The following TENM3 variants were observed in gnomAD, a reference collection of about 807,000 sequenced individuals.
The protein encoded by TENM3 is teneurin-3.
Under a neutral mutation model 255.1 loss-of-function variants are expected in TENM3, and 63 were observed. That is an observed-to-expected ratio of 0.25 (90% CI 0.20 to 0.30). TENM3 has a LOEUF of 0.30. Ranked by LOEUF, TENM3 falls within the 10% of genes least tolerant of loss-of-function variation. The pLI is 1.00. For synonymous variants in TENM3, 1,306 were observed against 1,322.3 expected, an observed-to-expected ratio of 0.99 and a Z score of 0.27; for missense variants, 2,929 against 3,461.1, an observed-to-expected ratio of 0.85 and a Z score of 3.86.
the TENM3 span, among the ~76,000 whole-genome samples, chr4:181,728,097 C>T: frequency 9.2e-5 from 14 of 152,212 alleles, no homozygotes; most frequent in Admixed American, 9.2e-4. Context: ...ATGTTCTTGC[C>T]TTTTAAAACT....
chr4:181,498,557 C>T, the TENM3 span, among the ~76,000 whole-genome samples: 1 of 150,944 alleles, frequency 6.6e-6, no homozygotes, highest in African/African-American at 2.4e-5. Flanking sequence ...AAAATTATAG[C>T]TGTTGTCAAA....
At chr4:181,910,069 A>G in the TENM3 span, among the ~76,000 whole-genome samples, 2 of 152,214 alleles carry the variant, frequency 1.3e-5, no homozygotes, top group Non-Finnish European at 2.9e-5. Flanking sequence ...ATGCAAATGT[A>G]GACACATGTG....
intron 3 of TENM3, among the ~76,000 whole-genome samples, chr4:182,387,967 A>G (rs919868735): frequency 2.1e-4 from 31 of 150,552 alleles, no homozygotes; most frequent in African/African-American, 7.1e-4. Flanking sequence ...AACAAACGAA[A>G]CCAGCCATTC....
At chr4:182,450,742 A>G (rs1182628377) in intron 3 of TENM3, among the ~76,000 whole-genome samples, 1 of 152,248 alleles carries the variant, frequency 6.6e-6, no homozygotes, top group South Asian at 2.1e-4. Flanking sequence ...GGTACATTCT[A>G]GACAAAGAGG....
intron 3 of TENM3, among the ~76,000 whole-genome samples, chr4:182,488,659 A>G (rs1391205575): frequency 6.6e-6 from 1 of 152,184 alleles, no homozygotes; most frequent in African/African-American, 2.4e-5. Context: ...AATACCACGG[A>G]AAGAAGTCAG....
At chr4:181,453,320 A>G in the TENM3 span, among the ~76,000 whole-genome samples, 1 of 152,126 alleles carries the variant, frequency 6.6e-6, no homozygotes, top group African/African-American at 2.4e-5. Flanking sequence ...AGGTGGAGGG[A>G]AGCTTGGGGA....
intron 3 of TENM3, among the ~76,000 whole-genome samples, chr4:182,466,892 AGATACGTTAGAATT>A (rs1267392797): frequency 6.8e-6 from 1 of 146,294 alleles, no homozygotes; most frequent in African/African-American, 2.5e-5. Context: ...TAGGGGGTTT[AGATACGTTAGAATT>A]GAGCATTCTT....
chr4:181,558,681 T>G, the TENM3 span, among the ~76,000 whole-genome samples: 1 of 152,200 alleles, frequency 6.6e-6, no homozygotes, highest in African/African-American at 2.4e-5. Flanking sequence ...ATAGTCCATG[T>G]TCTGTAATAA....
chr4:181,962,000 A>C, the TENM3 span, among the ~76,000 whole-genome samples: 1 of 152,210 alleles, frequency 6.6e-6, no homozygotes, highest in Non-Finnish European at 1.5e-5. Context: ...GAAAGAGAGA[A>C]AAAGGAGGCA....
At position 182,246,630 on chromosome 4, in the gene TENM3, T is replaced by G. The variant is rs186087516; in HGVS notation, c.-76+3154T>G. Among the ~76,000 whole-genome samples the G allele has an allele frequency of 9.6e-4, 146 of 152,274 alleles. 1 individual carries two copies. Among genetic ancestry groups the G allele is most frequent in the Middle Eastern group, 3.4e-3 (1 of 294 alleles). On this transcript the variant is annotated intron_variant, in intron 1 of 27. Coordinates refer to ENST00000511685, the MANE Select transcript of TENM3 (RefSeq NM_001080477.4). Reference sequence around the variant, plus strand: ...TCGTCCGTATGTGACAAAGACACGGTTTTATTGACCTTAAACAAATGGGCT... The same window carrying G: ...TCGTCCGTATGTGACAAAGACACGGGTTTATTGACCTTAAACAAATGGGCT...
intron 3 of TENM3, among the ~76,000 whole-genome samples, chr4:182,505,326 G>C (rs1736702477): frequency 6.6e-6 from 1 of 152,062 alleles, no homozygotes. Context: ...GTGCAATACA[G>C]ATCTTAAAAC....
At chr4:182,153,256 T>C (rs1016777181) in intron 1 of TENM3, among the ~76,000 whole-genome samples, 2 of 152,038 alleles carry the variant, frequency 1.3e-5, no homozygotes, top group Non-Finnish European at 2.9e-5. Flanking sequence ...AATATTACAG[T>C]TTATGTAATT....
chr4:181,760,969 TACACACACACACACACACACACAC>T, the TENM3 span, among the ~76,000 whole-genome samples: 1 of 50,640 alleles, frequency 2.0e-5, no homozygotes, highest in African/African-American at 7.0e-5. Context: ...ACCACACACA[TACACACACACACACACACACACAC>T]ACACACACAC....
the TENM3 span, among the ~76,000 whole-genome samples, chr4:181,775,362 T>C: frequency 6.6e-6 from 1 of 152,188 alleles, no homozygotes; most frequent in Admixed American, 6.6e-5. Flanking sequence ...ATGGTGGTTC[T>C]AGGTTTCGTT....
Position 182,432,989 on chromosome 4 carries a change from GA to G in TENM3, c.511+86062del, listed in dbSNP as rs1348125101. On this transcript the variant is annotated intron_variant, in intron 3 of 27. Transcript: ENST00000511685. ...GGCTTGAGCCACTGTGCCTGGCCAG[GA>G]AGTGAATAGGATCCTATTTTTAAAC... Among the ~76,000 whole-genome samples the G allele has an allele frequency of 9.2e-5, 14 of 152,182 alleles. No individual in the cohort carries two copies. In the East Asian group the frequency reaches 2.5e-3, roughly 27 times the overall value.
the TENM3 span, among the ~76,000 whole-genome samples, chr4:181,616,609 C>A: frequency 6.6e-6 from 1 of 151,784 alleles, no homozygotes; most frequent in Non-Finnish European, 1.5e-5. Context: ...AGAAGTTTTA[C>A]AATAGGCCGT....
the TENM3 span, among the ~76,000 whole-genome samples, chr4:181,921,244 A>C: frequency 6.6e-6 from 1 of 152,098 alleles, no homozygotes; most frequent in Non-Finnish European, 1.5e-5. Context: ...TATGAACTTT[A>C]AAATAGTTTT....
the TENM3 span, among the ~76,000 whole-genome samples, chr4:181,808,765 T>G: frequency 6.6e-6 from 1 of 152,334 alleles, no homozygotes; most frequent in African/African-American, 2.4e-5. Context: ...ACACTTTTTT[T>G]CCACAAACCA....
chr4:181,900,049 TA>T, the TENM3 span, among the ~76,000 whole-genome samples: 1 of 152,304 alleles, frequency 6.6e-6, no homozygotes, highest in African/African-American at 2.4e-5. Context: ...CACACACTCA[TA>T]AATTCATGAA....
Sources: allele counts gnomAD v4.1 joint callset (sites outside exome capture counted in the v4.1 genomes callset), GRCh38; gene constraint gnomAD v4.1.1; transcripts MANE v1.5; gene names NCBI Gene and HGNC (gene_info 2026-07-23, HGNC 2026-07-21).